The following PTPN3 variants were observed in gnomAD, a reference collection of about 807,000 sequenced individuals.
PTPN3 encodes the protein tyrosine-protein phosphatase non-receptor type 3.
In PTPN3, 96 loss-of-function variants were observed where a neutral mutation model predicts 132.7. The observed-to-expected ratio is 0.72, with a 90% CI of 0.61 to 0.86. The LOEUF (loss-of-function observed/expected upper bound fraction) is 0.86, where lower values mean the gene tolerates loss of function less well. Ranked by LOEUF, PTPN3 falls within the 40% of genes least tolerant of loss-of-function variation. PTPN3 has a pLI of 0.00. For synonymous variants in PTPN3, 398 were observed against 429.0 expected (o/e 0.93, Z 0.89); for missense variants, 1,125 against 1,159.6 (o/e 0.97, Z 0.43).
intron 14 of PTPN3, among the ~76,000 whole-genome samples, chr9:109,416,009 G>T (rs1224783717): frequency 6.6e-6 from 1 of 152,190 alleles, no homozygotes; most frequent in Non-Finnish European, 1.5e-5. Context: ...CTCCGAGGGG[G>T]ACATGTAGAA....
At chr9:109,429,247 A>C (rs1009368802) in intron 10 of PTPN3, among the ~76,000 whole-genome samples, 1 of 152,242 alleles carries the variant, frequency 6.6e-6, no homozygotes, top group African/African-American at 2.4e-5. Context: ...CCCAGTTTTC[A>C]GATGAGGAAA....
the PTPN3 span, chr9:109,533,042 G>A: frequency 5.7e-5 from 16 of 282,194 alleles, no homozygotes; most frequent in African/African-American, 3.4e-4. Context: ...TGCAACCTCC[G>A]CTTCCCGGGT....
chr9:109,394,028 A>G (rs1216704265), intron 19 of PTPN3, among the ~76,000 whole-genome samples: 1 of 152,242 alleles, frequency 6.6e-6, no homozygotes, highest in Non-Finnish European at 1.5e-5. Flanking sequence ...GCAGCTGAAC[A>G]ACTTCTTAAA....
chr9:109,533,600 C>T, the PTPN3 span: 2 of 1,564,634 alleles, frequency 1.3e-6, no homozygotes, highest in Non-Finnish European at 1.8e-6. Flanking sequence ...CCTGCGGAAT[C>T]GTGGTCTATA....
intron 12 of PTPN3, among the ~76,000 whole-genome samples, chr9:109,423,707 T>C (rs1248405130): frequency 6.6e-6 from 1 of 152,188 alleles, no homozygotes; most frequent in African/African-American, 2.4e-5. Flanking sequence ...ATTTAAATCT[T>C]AGCTATCTAG....
chr9:109,403,177 G>A (rs566824211), intron 19 of PTPN3, among the ~76,000 whole-genome samples: 90 of 152,272 alleles, frequency 5.9e-4, no homozygotes, highest in African/African-American at 2.1e-3. Context: ...TTCTACTGCT[G>A]TTCAATGCAC....
In PTPN3 at chr9:109,438,674, G is replaced by A. The variant is rs189979187; in HGVS notation, c.467-440C>T. Among the ~76,000 whole-genome samples the A allele has an allele frequency of 2.0e-3, 305 of 152,260 alleles. 2 individuals are homozygous for A. The highest frequency in any genetic ancestry group is 5.9e-3 in the Admixed American group (91 of 15,296). ...ATACCCCAAGGTTACCATAACACTG[G>A]ACCAATCTGCTCTAAAAACTGGGTG... On this transcript the variant is annotated intron_variant, in intron 7 of 25. Transcript: ENST00000374541.
chr9:109,439,125 A>AT (rs1844267959), intron 7 of PTPN3, among the ~76,000 whole-genome samples: 1 of 152,184 alleles, frequency 6.6e-6, no homozygotes, highest in Admixed American at 6.5e-5. Flanking sequence ...ACAAGTGTCC[A>AT]TGGCTGCCTC....
chr9:109,396,699 T>C (rs916630596), intron 19 of PTPN3, among the ~76,000 whole-genome samples: 2 of 152,196 alleles, frequency 1.3e-5, no homozygotes, highest in African/African-American at 4.8e-5. Context: ...AACAACTGTA[T>C]TGAAATTACA....
intron 16 of PTPN3, among the ~76,000 whole-genome samples, chr9:109,408,794 A>ATATAT (rs373957307): frequency 0.019 from 1,699 of 87,258 alleles, 32 homozygotes; most frequent in Admixed American, 0.057. Context: ...AAAAAAAAAA[A>ATATAT]AAATATATAT....
At chr9:109,495,040 G>A (rs537390767) in intron 1 of PTPN3, among the ~76,000 whole-genome samples, 25 of 152,176 alleles carry the variant, frequency 1.6e-4, no homozygotes, top group African/African-American at 5.5e-4. Context: ...GGTCCTTCTC[G>A]GCCAGAGGAA....
intron 19 of PTPN3, among the ~76,000 whole-genome samples, chr9:109,395,305 C>A (rs902941468): frequency 1.3e-5 from 2 of 152,096 alleles, no homozygotes; most frequent in African/African-American, 2.4e-5. Flanking sequence ...CAAAAGAAAT[C>A]TATTTATAAA....
intron 22 of PTPN3, among the ~76,000 whole-genome samples, chr9:109,387,029 G>A (rs1490900899): frequency 6.6e-6 from 1 of 152,124 alleles, no homozygotes; most frequent in Non-Finnish European, 1.5e-5. Context: ...GAGAAGGGAG[G>A]GGTAAGACCG....
chr9:109,487,359 C>T (rs375902328), intron 1 of PTPN3, among the ~76,000 whole-genome samples: 35 of 152,334 alleles, frequency 2.3e-4, no homozygotes, highest in East Asian at 1.9e-3. Context: ...GGCCGCAAAG[C>T]GCAGAGCATA....
At chr9:109,405,533 C>T (rs1841491378) in intron 18 of PTPN3, among the ~76,000 whole-genome samples, 1 of 152,194 alleles carries the variant, frequency 6.6e-6, no homozygotes, top group Admixed American at 6.5e-5. Context: ...AGAGGCTGTC[C>T]TTCAAACCTC....
chr9:109,451,106 T>G, intron 5 of PTPN3: 1 of 971,974 alleles, frequency 1.0e-6, no homozygotes, highest in Non-Finnish European at 1.2e-6. Context: ...TAAGATGATC[T>G]GGCAGCTAGT....
At chr9:109,497,881 G>C (rs1210773500) in intron 1 of PTPN3, among the ~76,000 whole-genome samples, 2 of 151,000 alleles carry the variant, frequency 1.3e-5, no homozygotes, top group Non-Finnish European at 3.0e-5. Flanking sequence ...GGAGGTGCCG[G>C]ACGCACGGGC....
intron 16 of PTPN3, among the ~76,000 whole-genome samples, 186 bp downstream of exon 16, chr9:109,409,813 A>T (rs1223670451): frequency 6.6e-6 from 1 of 152,154 alleles, no homozygotes; most frequent in African/African-American, 2.4e-5. Flanking sequence ...TTTTTAAAAA[A>T]AAACAAAAAA....
chr9:109,464,152 C>G (rs1237208446), intron 1 of PTPN3, among the ~76,000 whole-genome samples: 1 of 152,212 alleles, frequency 6.6e-6, no homozygotes, highest in Non-Finnish European at 1.5e-5. Flanking sequence ...GTGGAGCAAC[C>G]AGAACTCTCA....
Sources: gnomAD v4.1 joint callset for allele counts (sites outside exome capture counted in the v4.1 genomes callset) on GRCh38, gnomAD v4.1.1 for gene constraint, MANE v1.5 for transcripts, NCBI Gene and HGNC (gene_info 2026-07-23, HGNC 2026-07-21) for gene names.